The following CFAP299 variants were observed in gnomAD, a reference collection of about 807,000 sequenced individuals.
CFAP299 encodes cilia- and flagella-associated protein 299.
In CFAP299, 21 loss-of-function variants were observed where a neutral mutation model predicts 27.0. That is an observed-to-expected ratio of 0.78 (90% CI 0.55 to 1.12). CFAP299 has a LOEUF of 1.12. Among genes scored for constraint, CFAP299 ranks in the 50% most tolerant of loss-of-function variants. CFAP299 has a pLI of 0.00. For missense variants in CFAP299, 310 were observed against 276.6 expected (o/e 1.12, Z -0.86); for synonymous variants, 104 against 98.1 (o/e 1.06, Z -0.36).
chr4:80,702,708 T>C (rs1314780781), intron 3 of CFAP299, among the ~76,000 whole-genome samples: 2 of 151,896 alleles, frequency 1.3e-5, no homozygotes, highest in African/African-American at 2.4e-5. Context: ...TTTTCAAAAG[T>C]AAGCATATGG....
intron 3 of CFAP299, among the ~76,000 whole-genome samples, chr4:80,706,577 T>C (rs763426262): frequency 1.1e-4 from 16 of 151,912 alleles, no homozygotes; most frequent in Non-Finnish European, 1.9e-4. Context: ...GAGAAAATTA[T>C]TAAAATTTTG....
chr4:80,465,782 G>A (rs1449113867), intron 2 of CFAP299, among the ~76,000 whole-genome samples: 1 of 152,170 alleles, frequency 6.6e-6, no homozygotes, highest in Non-Finnish European at 1.5e-5. Context: ...TTTGGAGCTT[G>A]TCCTCAACAT....
chr4:80,951,634 C>T (rs1737783045), intron 5 of CFAP299, among the ~76,000 whole-genome samples: 1 of 152,174 alleles, frequency 6.6e-6, no homozygotes, highest in Non-Finnish European at 1.5e-5. Flanking sequence ...CCTTAGATAT[C>T]AGACTGAATC....
intron 3 of CFAP299, among the ~76,000 whole-genome samples, chr4:80,630,529 A>G (rs1024671643): frequency 6.6e-6 from 1 of 152,176 alleles, no homozygotes; most frequent in South Asian, 2.1e-4. Flanking sequence ...TAAAATGTTG[A>G]TTTTATGAAA....
rs1045714667 is a variant in CFAP299 at position 80,583,265 on chromosome 4, T to C, written c.333+82T>C. On this transcript the variant is annotated intron_variant, in intron 3 of 5. Transcript: ENST00000358105. ...TAAAAAATGTAACATTAAATATCTT[T>C]CTTAAAGTAATTTACAAGATATAAA... is the stretch of plus-strand genomic sequence containing the variant. The C allele has an allele frequency of 1.0e-5, 7 of 702,718 alleles. No homozygotes were observed. The African/African-American group carries it at 1.1e-4, about 11-fold the overall frequency. 43.5% of individuals were successfully genotyped at this position (702,718 alleles called of 1,614,324 possible).
chr4:80,948,751 A>G (rs1257875866), intron 5 of CFAP299, among the ~76,000 whole-genome samples: 3 of 152,082 alleles, frequency 2.0e-5, no homozygotes, highest in Non-Finnish European at 4.4e-5. Context: ...ATCACCTGGA[A>G]AAATGCCTTG....
At chr4:80,325,755 C>T in the CFAP299 span, among the ~76,000 whole-genome samples, 1 of 152,140 alleles carries the variant, frequency 6.6e-6, no homozygotes, top group Admixed American at 6.6e-5. Flanking sequence ...TAAAATAAAG[C>T]CATTCTTAAC....
intron 3 of CFAP299, among the ~76,000 whole-genome samples, chr4:80,677,560 C>G (rs955795343): frequency 6.6e-6 from 1 of 151,798 alleles, no homozygotes; most frequent in Non-Finnish European, 1.5e-5. Flanking sequence ...ATATCAGTCC[C>G]CAGTTTGTTC....
chr4:80,481,869 T>C (rs772341071), intron 2 of CFAP299, among the ~76,000 whole-genome samples: 6 of 152,088 alleles, frequency 3.9e-5, no homozygotes, highest in Admixed American at 6.6e-5. Context: ...GAATTTTCCA[T>C]TGTGAGCCTG....
At chr4:80,751,920 T>G (rs1724952142) in intron 3 of CFAP299, among the ~76,000 whole-genome samples, 1 of 152,158 alleles carries the variant, frequency 6.6e-6, no homozygotes. Context: ...ACGGATGTAT[T>G]TCCTGCCTTG....
chr4:80,588,289 G>C (rs1736549906), intron 3 of CFAP299, among the ~76,000 whole-genome samples: 2 of 150,798 alleles, frequency 1.3e-5, no homozygotes, highest in Non-Finnish European at 2.9e-5. Context: ...TGCAGGTCTG[G>C]AGCTGGGTAC....
intron 4 of CFAP299, among the ~76,000 whole-genome samples, chr4:80,895,884 C>G (rs1047027092): frequency 6.6e-6 from 1 of 151,978 alleles, no homozygotes; most frequent in African/African-American, 2.4e-5. Flanking sequence ...AAAACTCACT[C>G]GGATGAATGA....
chr4:80,373,968 CA>C (rs1433751533), intron 2 of CFAP299, among the ~76,000 whole-genome samples: 1 of 152,152 alleles, frequency 6.6e-6, no homozygotes, highest in South Asian at 2.1e-4. Flanking sequence ...TGGTCTCACA[CA>C]ATATGTTTCT....
chr4:80,617,269 T>C (rs1468601660), intron 3 of CFAP299, among the ~76,000 whole-genome samples: 7 of 152,162 alleles, frequency 4.6e-5, no homozygotes, highest in Non-Finnish European at 1.0e-4. Flanking sequence ...GTGGCCATGT[T>C]GTTGCTAAGA....
chr4:80,932,381 T>C lies in CFAP299; in HGVS notation c.477-12429T>C, dbSNP rs190066371. Among the ~76,000 whole-genome samples, 620 of 152,296 alleles carry C rather than the reference T, an allele frequency of 4.1e-3. 1 individual carries two copies. The highest frequency in any genetic ancestry group is 6.1e-3 in the Non-Finnish European group (417 of 68,004). On this transcript the variant is annotated intron_variant, in intron 4 of 5. Transcript: ENST00000358105. ...AATAGGAGCCAAGTTAACTGACTTA[T>C]AACAACACTGAACTTTAGATTTCAT... is the stretch of plus-strand genomic sequence containing the variant.
chr4:80,921,509 A>G (rs1736042867), intron 4 of CFAP299, among the ~76,000 whole-genome samples: 1 of 152,042 alleles, frequency 6.6e-6, no homozygotes, highest in South Asian at 2.1e-4. Flanking sequence ...ATAAAACTGA[A>G]AAACAGCAGG....
the CFAP299 span, among the ~76,000 whole-genome samples, chr4:80,324,804 G>A: frequency 6.6e-6 from 1 of 152,148 alleles, no homozygotes; most frequent in African/African-American, 2.4e-5. Context: ...GTGGAACAGG[G>A]GAGGTTTTAG....
chr4:80,417,258 A>G (rs1321147207), intron 2 of CFAP299, among the ~76,000 whole-genome samples: 19 of 152,214 alleles, frequency 1.2e-4, no homozygotes, highest in Admixed American at 1.2e-3. Context: ...GGTTACTCTT[A>G]TCACCATCTT....
chr4:80,823,279 G>C (rs991038128), intron 3 of CFAP299, among the ~76,000 whole-genome samples: 2 of 152,072 alleles, frequency 1.3e-5, no homozygotes, highest in Non-Finnish European at 2.9e-5. Flanking sequence ...GCCTTCACCT[G>C]CCTCCCTCTT....
Sources: gnomAD v4.1 joint callset for allele counts (sites outside exome capture counted in the v4.1 genomes callset) on GRCh38, gnomAD v4.1.1 for gene constraint, MANE v1.5 for transcripts, NCBI Gene and HGNC (gene_info 2026-07-23, HGNC 2026-07-21) for gene names.